Variants in RAB2B observed in about 807,000 individuals in gnomAD.
RAB2B encodes the protein ras-related protein Rab-2B.
Under a neutral mutation model 29.8 loss-of-function variants are expected in RAB2B, and 20 were observed. That is an observed-to-expected ratio of 0.67 (90% CI 0.47 to 0.97). RAB2B has a LOEUF of 0.97. RAB2B is among the 50% of genes least tolerant of loss of function. The pLI is 0.00. For missense variants in RAB2B, 218 were observed against 272.0 expected (o/e 0.80, Z 1.40); for synonymous variants, 93 against 91.7 (o/e 1.01, Z -0.08).
intron 3 of RAB2B, 45 bp downstream of exon 3, chr14:21,474,822 T>G: frequency 6.6e-7 from 1 of 1,505,606 alleles, no homozygotes; most frequent in Non-Finnish European, 9.2e-7. Context: ...CTTTTCTTGT[T>G]ATACTTGGAT....
Position 21,468,678 on chromosome 14 carries a change from G to A in RAB2B, c.261C>T (p.Asp87=), listed in dbSNP as rs760740128. The A allele has an allele frequency of 6.4e-7, 1 of 1,571,312 alleles. No homozygotes were observed. Among genetic ancestry groups the A allele is most frequent in the Non-Finnish European group, 8.6e-7 (1 of 1,162,104 alleles). Residue 87 remains aspartate, a synonymous_variant, in exon 4 of 8, where the codon GAC becomes GAT. Coordinates refer to ENST00000397762, the MANE Select transcript of RAB2B (RefSeq NM_032846.4). ...CACCAGATCTGGCTCACCTTGTAAT[G>A]TCGTACACCAGCAGTGCTCCAGCTG... ...RGAAGALLVY[D]ITRRETFNHL... is the part of the protein sequence containing the mutation.
At chr14:21,462,836 TAAAAAAAAAA>T (rs1182397229) in intron 6 of RAB2B, among the ~76,000 whole-genome samples, 2 of 87,090 alleles carry the variant, frequency 2.3e-5, no homozygotes, top group African/African-American at 8.5e-5. Context: ...AGACTCAGTC[TAAAAAAAAAA>T]AAAAAAAAAA....
rs1890976810 is a variant in RAB2B at position 21,476,628 on chromosome 14, A to G, written c.47-29T>C. ...AAAGAGAAAGCACACTCCCGGAATC[A>G]CGCAGCCCTGGAACACCTTCCAGAG... On this transcript the variant is annotated intron_variant, in intron 1 of 7. Transcript: ENST00000397762. The G allele has an allele frequency of 1.9e-6, 3 of 1,613,578 alleles. No individual in the cohort carries two copies. The African/African-American group carries it at 4.0e-5, about 22-fold the overall frequency.
intron 3 of RAB2B, chr14:21,474,451 A>C (rs1316219702): frequency 1.4e-5 from 2 of 147,364 alleles, no homozygotes; most frequent in African/African-American, 5.5e-5. Context: ...AATAAAAACA[A>C]AACTACTACC....
At chr14:21,472,962 A>C (rs1424589206) in intron 3 of RAB2B, among the ~76,000 whole-genome samples, 1 of 152,070 alleles carries the variant, frequency 6.6e-6, no homozygotes, top group Non-Finnish European at 1.5e-5. Context: ...GAGGCTGAGG[A>C]GGGCGGATCA....
chr14:21,475,016 T>C, intron 2 of RAB2B, 82 bp from the exon 3 acceptor site: 3 of 1,067,088 alleles, frequency 2.8e-6, no homozygotes, highest in South Asian at 1.3e-5. Context: ...CTTTCCTCAA[T>C]GTGTTATAAC....
chr14:21,467,467 A>T (rs1000014645), intron 5 of RAB2B, among the ~76,000 whole-genome samples: 1 of 152,202 alleles, frequency 6.6e-6, no homozygotes, highest in Non-Finnish European at 1.5e-5. Context: ...ACAGTTACTA[A>T]GCGGTTATAA....
At chr14:21,463,539 G>A (rs1594407856) in intron 6 of RAB2B, 117 bp downstream of exon 6, 3 of 763,018 alleles carry the variant, frequency 3.9e-6, no homozygotes, top group Non-Finnish European at 6.6e-6. Flanking sequence ...GAGCCACCGC[G>A]CTCGGCCAAG....
intron 3 of RAB2B, among the ~76,000 whole-genome samples, chr14:21,473,358 T>A (rs553485764): frequency 2.6e-5 from 4 of 152,244 alleles, no homozygotes; most frequent in African/African-American, 9.6e-5. Flanking sequence ...TTAACTAGAA[T>A]GGAGACTAAG....
intron 3 of RAB2B, among the ~76,000 whole-genome samples, chr14:21,470,993 CA>C (rs869211285): frequency 5.2e-4 from 51 of 98,754 alleles, no homozygotes; most frequent in African/African-American, 1.8e-3. Context: ...GCTAAAAATA[CA>C]AAAAAAAAAA....
rs370351229 is a variant in RAB2B, at chr14:21,463,724, C to T, written c.406G>A (p.Ala136Thr). The change falls in exon 6 of 8, where the codon GCC becomes ACC. Residue 136 changes from alanine (A) to threonine (T), a missense_variant. Coordinates refer to ENST00000397762, the MANE Select transcript of RAB2B (RefSeq NM_032846.4). Reference sequence around the variant, plus strand: ...ATAAGTCCATGCTCCCTAGCAAAGGCCTCTCCTTCTTCTCTCTTCACATCC... The same window carrying T: ...ATAAGTCCATGCTCCCTAGCAAAGGTCTCTCCTTCTTCTCTCTTCACATCC... ...RRDVKREEGE[A>T]FAREHGLIFM... 2 of 1,614,016 alleles carry T rather than the reference C, an allele frequency of 1.2e-6. No homozygotes were observed. The highest frequency in any genetic ancestry group is 1.7e-6 in the Non-Finnish European group (2 of 1,179,914).
At position 21,476,883 on chromosome 14, in the gene RAB2B, C is replaced by T; in HGVS notation, c.-11G>A. ...ATAAGCATAAGTCATGGTGTCGCGT[C>T]CTCTGGGTTCCGGGTCCGCCCGACT... On this transcript the variant is annotated 5_prime_UTR_variant, in exon 1 of 8. Coordinates refer to ENST00000397762, the MANE Select transcript of RAB2B (RefSeq NM_032846.4). The T allele has an allele frequency of 6.2e-7, 1 of 1,613,250 alleles. No homozygotes were observed. Among genetic ancestry groups the T allele is most frequent in the Non-Finnish European group, 8.5e-7 (1 of 1,180,014 alleles).
chr14:21,470,993 C>CAAAAAAA (rs869211285), intron 3 of RAB2B, among the ~76,000 whole-genome samples: 18 of 98,792 alleles, frequency 1.8e-4, no homozygotes, highest in African/African-American at 5.6e-4. Flanking sequence ...GCTAAAAATA[C>CAAAAAAA]AAAAAAAAAA....
At chr14:21,468,304 T>C (rs1594411626) in intron 5 of RAB2B, 53 bp downstream of exon 5, 1 of 1,365,044 alleles carries the variant, frequency 7.3e-7, no homozygotes, top group Non-Finnish European at 1.0e-6. Flanking sequence ...TCAATGTGCA[T>C]AGAGTACCTA....
Position 21,476,899 on chromosome 14 carries a change from C to G in RAB2B, c.-27G>C, listed in dbSNP as rs185616664. ...GTGTCGCGTCCTCTGGGTTCCGGGT[C>G]CGCCCGACTTCTATAGCCACTTACC... On this transcript the variant is annotated 5_prime_UTR_variant, in exon 1 of 8. Coordinates refer to ENST00000397762, the MANE Select transcript of RAB2B (RefSeq NM_032846.4). 19,263 of 1,612,622 alleles carry G rather than the reference C, an allele frequency of 0.012. 136 individuals carry two copies. The highest frequency in any genetic ancestry group is 0.022 in the Middle Eastern group (124 of 5,516).
rs1594405686 is a variant in RAB2B, at chr14:21,461,109, C to T, written c.*87G>A. 3 of 962,460 alleles carry T rather than the reference C, an allele frequency of 3.1e-6. No individual in the cohort carries two copies. The highest frequency in any genetic ancestry group is 4.8e-6 in the Non-Finnish European group (3 of 629,672). The allele number at this position is 962,460 out of a possible 1,614,324, so 59.6% of individuals were successfully genotyped here. A position where few individuals can be genotyped will look rare whatever the true frequency, so the allele number is the denominator to read the frequency against. On this transcript the variant is annotated 3_prime_UTR_variant, in exon 8 of 8. Coordinates refer to ENST00000397762, the MANE Select transcript of RAB2B (RefSeq NM_032846.4). ...CATCACACTTTAAAAAGAGGCTGCT[C>T]TCAGCCAAAGCAAGAAAGACCTCTT...
At chr14:21,465,701 G>C (rs1450638931) in intron 5 of RAB2B, among the ~76,000 whole-genome samples, 1 of 152,050 alleles carries the variant, frequency 6.6e-6, no homozygotes, top group African/African-American at 2.4e-5. Flanking sequence ...CATCTCCCAA[G>C]CTTCAATTTC....
At chr14:21,473,509 C>T (rs1231051231) in intron 3 of RAB2B, among the ~76,000 whole-genome samples, 1 of 152,176 alleles carries the variant, frequency 6.6e-6, no homozygotes, top group East Asian at 1.9e-4. Flanking sequence ...AAAATATGTA[C>T]AAGCTTTTGA....
At chr14:21,470,481 A>G (rs962706974) in intron 3 of RAB2B, among the ~76,000 whole-genome samples, 1 of 152,200 alleles carries the variant, frequency 6.6e-6, no homozygotes, top group South Asian at 2.1e-4. Flanking sequence ...TTCCAACAAC[A>G]GAAGAATCTC....
Sources: allele counts gnomAD v4.1 joint callset (sites outside exome capture counted in the v4.1 genomes callset), GRCh38; gene constraint gnomAD v4.1.1; transcripts MANE v1.5; gene names NCBI Gene and HGNC (gene_info 2026-07-23, HGNC 2026-07-21).